Variants in PRRT1B observed in about 807,000 individuals in gnomAD.
PRRT1B encodes the protein dispanin subfamily D member 2.
exon 4 of PRRT1B, chr9:131,558,487 A>G (rs1951064861): frequency 3.3e-6 from 1 of 299,230 alleles, no homozygotes; most frequent in Non-Finnish European, 6.1e-6. Flanking sequence ...CCAGAGCCCC[A>G]TTTCCCAGGA....
intron 3 of PRRT1B, among the ~76,000 whole-genome samples, chr9:131,557,073 CCCAT>C (rs1007554546): frequency 2.6e-5 from 4 of 152,026 alleles, no homozygotes; most frequent in African/African-American, 9.7e-5. Flanking sequence ...CCAATCCCTA[CCCAT>C]CCATCCATCC....
rs576868041 is a variant in PRRT1B, at chr9:131,556,039, C to T, written c.499-31C>T. 1.5e-3 allele frequency: 592 copies of T among 400,418 alleles called. 5 individuals are homozygous for T. Among genetic ancestry groups the T allele is most frequent in the African/African-American group, 0.011 (555 of 48,830 alleles). 24.8% of individuals were successfully genotyped at this position (400,418 alleles called of 1,614,324 possible). On this transcript the variant is annotated intron_variant, in intron 2 of 3. Coordinates refer to ENST00000636672, the Ensembl canonical transcript of PRRT1B. ...CTCTGTTGTCCAGAGGCTGGGCCAG[C>T]TCCCTCACCACTGTGGCTCTGCCCC...
chr9:131,549,921 T>C (rs1326397334), intron 1 of PRRT1B, among the ~76,000 whole-genome samples: 1 of 152,126 alleles, frequency 6.6e-6, no homozygotes, highest in Non-Finnish European at 1.5e-5. Flanking sequence ...CAGCCACATC[T>C]CATTGCCGCC....
In PRRT1B at chr9:131,554,631, G is replaced by T. The variant is rs1445523184; in HGVS notation, c.100G>T (p.Glu34Ter). 2.6e-6 allele frequency: 1 copy of T among 391,500 alleles called. No individual in the cohort carries two copies. Among genetic ancestry groups the T allele is most frequent in the African/African-American group, 2.1e-5 (1 of 47,732 alleles). The allele number at this position is 391,500 out of a possible 1,614,324, so 24.3% of individuals were successfully genotyped here. A position where few individuals can be genotyped will look rare whatever the true frequency, so the allele number is the denominator to read the frequency against. Residue 34 changes from glutamate to a stop codon, truncating the protein, a stop_gained, in exon 2 of 4, where the codon GAG becomes TAG. Transcript: ENST00000636672. LOFTEE classifies it high-confidence loss of function. ...GAGCCCCGCGAAGCCCGCCGCCCCC[G>T]AGGATCCCCAGATGCCCGCGCAGCC...
At chr9:131,553,463 G>T (rs1321285699) in intron 1 of PRRT1B, among the ~76,000 whole-genome samples, 3 of 152,226 alleles carry the variant, frequency 2.0e-5, no homozygotes, top group African/African-American at 2.4e-5. Context: ...AGCGTGGCAG[G>T]TGTATGGGGT....
At chr9:131,546,787 T>G (rs898538929) in intron 1 of PRRT1B, among the ~76,000 whole-genome samples, 7 of 152,092 alleles carry the variant, frequency 4.6e-5, no homozygotes, top group African/African-American at 1.7e-4. Flanking sequence ...CGCCAGCAGA[T>G]TTATTTACTC....
At chr9:131,552,675 AG>A (rs1381740100) in intron 1 of PRRT1B, among the ~76,000 whole-genome samples, 3 of 127,552 alleles carry the variant, frequency 2.4e-5, no homozygotes, top group Middle Eastern at 6.9e-3. Flanking sequence ...CCAACCTCTA[AG>A]GTTTTTTTTT....
At chr9:131,552,083 G>A (rs960364259) in intron 1 of PRRT1B, among the ~76,000 whole-genome samples, 3 of 152,146 alleles carry the variant, frequency 2.0e-5, no homozygotes, top group Non-Finnish European at 2.9e-5. Flanking sequence ...GTGAGCCACC[G>A]CATCCAGCCA....
chr9:131,545,629 C>A, exon 1 of PRRT1B: 1 of 400,376 alleles, frequency 2.5e-6, no homozygotes, highest in Non-Finnish European at 4.4e-6. Context: ...GAGGCAGGAG[C>A]TGGAGGGGCA....
chr9:131,558,087 A>G, exon 4 of PRRT1B: 1 of 400,508 alleles, frequency 2.5e-6, no homozygotes. Context: ...GACCTGGCCC[A>G]GGCTGAGGAG....
exon 2 of PRRT1B, chr9:131,554,914 T>C (rs1020110736): frequency 1.5e-4 from 59 of 383,960 alleles, no homozygotes; most frequent in Admixed American, 5.4e-4. Context: ...GTGCCCGTGG[T>C]CCTGCAGCCC....
chr9:131,546,732 G>GCCTGAGAA (rs1444192966), intron 1 of PRRT1B, among the ~76,000 whole-genome samples: 2 of 151,904 alleles, frequency 1.3e-5, no homozygotes, highest in African/African-American at 2.4e-5. Context: ...GGTGTCAAGA[G>GCCTGAGAA]CCTGAGAACC....
intron 1 of PRRT1B, among the ~76,000 whole-genome samples, chr9:131,550,292 A>AC (rs1951002037): frequency 6.6e-6 from 1 of 152,034 alleles, no homozygotes; most frequent in African/African-American, 2.4e-5. Flanking sequence ...ACCTCCCTCC[A>AC]CAACCCATTA....
rs1951061638 is a variant in PRRT1B at position 131,558,041 on chromosome 9, G to C, written c.643-12G>C. On this transcript the variant is annotated splice_polypyrimidine_tract_variant and intron_variant, in intron 3 of 3. Transcript: ENST00000636672. ...CGCTCCCACCGCCCCCTCCTGCCCT[G>C]TCTCGTTGCAGGCCCGTGCAGCACT... The C allele has an allele frequency of 2.5e-6, 1 of 399,292 alleles. No homozygotes were observed. The highest frequency in any genetic ancestry group is 4.4e-6 in the Non-Finnish European group (1 of 226,184). 24.7% of individuals were successfully genotyped at this position (399,292 alleles called of 1,614,324 possible).
chr9:131,552,409 G>T (rs751334750), intron 1 of PRRT1B, among the ~76,000 whole-genome samples: 1 of 152,168 alleles, frequency 6.6e-6, no homozygotes, highest in Non-Finnish European at 1.5e-5. Flanking sequence ...TTGAGCATTG[G>T]TCACTGTATG....
At chr9:131,557,405 G>A (rs1356668996) in intron 3 of PRRT1B, among the ~76,000 whole-genome samples, 1 of 152,168 alleles carries the variant, frequency 6.6e-6, no homozygotes, top group African/African-American at 2.4e-5. Flanking sequence ...CGGGCATGGG[G>A]GCAGGCACCT....
At chr9:131,548,904 G>C (rs184903541) in intron 1 of PRRT1B, among the ~76,000 whole-genome samples, 133 of 152,250 alleles carry the variant, frequency 8.7e-4, no homozygotes, top group African/African-American at 3.1e-3. Flanking sequence ...TGGAGCTAAA[G>C]GCATAGTCAA....
intron 1 of PRRT1B, among the ~76,000 whole-genome samples, chr9:131,547,024 C>G (rs898383487): frequency 1.4e-5 from 2 of 146,742 alleles, no homozygotes; most frequent in Non-Finnish European, 3.0e-5. Flanking sequence ...ACGCGGGTTA[C>G]GAAGCAAAAG....
chr9:131,552,354 A>G (rs1206609606), intron 1 of PRRT1B, among the ~76,000 whole-genome samples: 1 of 152,142 alleles, frequency 6.6e-6, no homozygotes, highest in Non-Finnish European at 1.5e-5. Flanking sequence ...GAAAATTCCA[A>G]TATCAGGTCA....
Sources: gnomAD v4.1 joint callset for allele counts (sites outside exome capture counted in the v4.1 genomes callset) on GRCh38, gnomAD v4.1.1 for gene constraint, MANE v1.5 for transcripts, NCBI Gene and HGNC (gene_info 2026-07-23, HGNC 2026-07-21) for gene names.